SH3TC2: variants seen among roughly 807,000 people sequenced by gnomAD.
SH3TC2 encodes the protein SH3 domain and tetratricopeptide repeats 2, also known as SH3 domain and tetratricopeptide repeat-containing protein 2.
Under a neutral mutation model 124.5 loss-of-function variants are expected in SH3TC2, and 87 were observed. That is an observed-to-expected ratio of 0.70 (90% CI 0.59 to 0.84). The LOEUF is 0.84. SH3TC2 is among the 40% of genes least tolerant of loss of function. SH3TC2 has a pLI of 0.00. For synonymous variants in SH3TC2, 634 were observed against 628.5 expected (o/e 1.01, Z -0.13); for missense variants, 1,536 against 1,566.4 (o/e 0.98, Z 0.33).
chr5:148,996,399 G>A lies in SH3TC2; in HGVS notation c.*8312C>T, dbSNP rs371599011. On this transcript the variant is annotated 3_prime_UTR_variant, in exon 17 of 17. Coordinates refer to ENST00000515425, the MANE Select transcript of SH3TC2 (RefSeq NM_024577.4). The stretch of plus-strand genomic sequence containing the variant: ...AAGCTCTTAGGACTGTAAAACAACC[G>A]GAAATGAAAATCCTCCAAGTAATCT... 1.3e-5 allele frequency among the ~76,000 whole-genome samples: 2 copies of A among 152,014 alleles called. No homozygotes were observed. Among genetic ancestry groups the A allele is most frequent in the African/African-American group, 2.4e-5 (1 of 41,402 alleles).
At chr5:149,012,465 C>T in intron 13 of SH3TC2, 119 bp downstream of exon 13, 1 of 1,357,184 alleles carries the variant, frequency 7.4e-7, no homozygotes, top group Admixed American at 1.7e-5. Context: ...GACCCTTTCT[C>T]CACAGGCTTA....
rs1753285261 is a variant in SH3TC2, at chr5:148,983,538, T to C, written c.*21173A>G. On this transcript the variant is annotated 3_prime_UTR_variant, in exon 17 of 17. Coordinates refer to ENST00000515425, the MANE Select transcript of SH3TC2 (RefSeq NM_024577.4). ...AATGCAGCTCCCTTTTTTACAGTTC[T>C]GCATATGTGGGAGCTGAATTGCATA... Among the ~76,000 whole-genome samples, 1 of 152,202 alleles carries C rather than the reference T, an allele frequency of 6.6e-6. No homozygotes were observed. Among genetic ancestry groups the C allele is most frequent in the African/African-American group, 2.4e-5 (1 of 41,460 alleles).
chr5:149,006,065 G>C (rs1242607408), intron 16 of SH3TC2: 1 of 152,440 alleles, frequency 6.6e-6, no homozygotes, highest in Non-Finnish European at 1.5e-5. Context: ...AGCAGTTCGA[G>C]ACAGGCAACA....
At chr5:149,034,869 G>T (rs1458972814) in intron 8 of SH3TC2, among the ~76,000 whole-genome samples, 2 of 152,156 alleles carry the variant, frequency 1.3e-5, no homozygotes, top group African/African-American at 4.8e-5. Flanking sequence ...CAATTTTATA[G>T]TTAAAGTTAT....
At chr5:149,017,974 T>A (rs1465581947) in intron 12 of SH3TC2, among the ~76,000 whole-genome samples, 2 of 152,166 alleles carry the variant, frequency 1.3e-5, no homozygotes, top group Non-Finnish European at 2.9e-5. Flanking sequence ...AACTGCAGAG[T>A]GGAGTACTTG....
At position 149,028,696 on chromosome 5, in the gene SH3TC2, A is replaced by G; in HGVS notation, c.1158T>C (p.Asn386=). 6.2e-7 allele frequency: 1 copy of G among 1,614,194 alleles called. No homozygotes were observed. The highest frequency in any genetic ancestry group is 8.5e-7 in the Non-Finnish European group (1 of 1,180,038). The part of the protein sequence containing the change: ...YRLSGFESIQ[N]PPNDLSASQP... Reference sequence around the variant, plus strand: ...ACTCACCACTCAGATCATTTGGAGGATTCTGGATGGATTCAAACCCACCTA... The same window carrying G: ...ACTCACCACTCAGATCATTTGGAGGGTTCTGGATGGATTCAAACCCACCTA... The change falls in exon 10 of 17, where the codon AAT becomes AAC. Residue 386 remains asparagine, a synonymous_variant. Transcript: ENST00000515425.
intron 15 of SH3TC2, chr5:149,007,524 A>G (rs900925814): frequency 1.0e-5 from 3 of 287,238 alleles, no homozygotes; most frequent in Admixed American, 4.9e-5. Context: ...ACTCTGTATA[A>G]TAAATGTCTT....
intron 1 of SH3TC2, among the ~76,000 whole-genome samples, chr5:149,054,111 T>C (rs772470567): frequency 2.0e-4 from 31 of 152,190 alleles, no homozygotes; most frequent in Non-Finnish European, 3.5e-4. Context: ...CTGATGTGAT[T>C]ATTACCCATT....
intron 5 of SH3TC2, 149 bp downstream of exon 5, chr5:149,042,545 T>A (rs1754389146): frequency 1.1e-6 from 1 of 903,950 alleles, no homozygotes; most frequent in Non-Finnish European, 1.8e-6. Context: ...CTCAGAGGAA[T>A]GTTCAAAGTA....
At chr5:149,043,145 G>A (rs980872543) in intron 4 of SH3TC2, among the ~76,000 whole-genome samples, 13 of 152,256 alleles carry the variant, frequency 8.5e-5, no homozygotes, top group Admixed American at 5.9e-4. Flanking sequence ...ATACAGCCAC[G>A]GAGGTCTCCA....
In SH3TC2 at chr5:149,010,288, A is replaced by G; in HGVS notation, c.3309T>C (p.His1103=). Residue 1103 remains histidine (H), a synonymous_variant, in exon 14 of 17, where the codon CAT becomes CAC. Transcript: ENST00000515425. ...VFFNGTRHRH[H]AVEYYRAGAV... ...GACTTACTCGGTAGTACTCCACTGC[A>G]TGATGCCTGTGGCGGGTCCCATTGA... The G allele has an allele frequency of 6.2e-7, 1 of 1,614,254 alleles. No individual in the cohort carries two copies. Among genetic ancestry groups the G allele is most frequent in the Non-Finnish European group, 8.5e-7 (1 of 1,180,044 alleles).
chr5:149,031,708 C>G, intron 8 of SH3TC2, 21 bp from the exon 9 acceptor site: 3 of 1,613,668 alleles, frequency 1.9e-6, no homozygotes. Flanking sequence ...GCAAAAAACA[C>G]AGAGACAGAT....
chr5:149,038,539 G>A, intron 7 of SH3TC2, 49 bp from the exon 8 acceptor site: 1 of 1,567,918 alleles, frequency 6.4e-7, no homozygotes, highest in South Asian at 1.1e-5. Flanking sequence ...GAACAGCTGA[G>A]CCTCCCATCA....
chr5:148,994,537 G>C lies in SH3TC2; in HGVS notation c.*10174C>G, dbSNP rs1753472092. 1.3e-5 allele frequency among the ~76,000 whole-genome samples: 2 copies of C among 152,116 alleles called. No homozygotes were observed. Among genetic ancestry groups the C allele is most frequent in the South Asian group, 4.1e-4 (2 of 4,824 alleles). ...TGGATTGTGAGTTTAGCACATGAGA[G>C]GTGTTGAATATTGGTTAGTTGGTTG... On this transcript the variant is annotated 3_prime_UTR_variant, in exon 17 of 17. Coordinates refer to ENST00000515425, the MANE Select transcript of SH3TC2 (RefSeq NM_024577.4).
chr5:149,062,495 C>A (rs2127405949), intron 1 of SH3TC2: 1 of 460,282 alleles, frequency 2.2e-6, no homozygotes, highest in Non-Finnish European at 4.4e-6. Flanking sequence ...CATGCACTCA[C>A]ACACAAATCA....
chr5:149,030,248 CT>C (rs987450314), intron 9 of SH3TC2, among the ~76,000 whole-genome samples: 11 of 152,336 alleles, frequency 7.2e-5, no homozygotes, highest in Middle Eastern at 3.4e-3. Flanking sequence ...CCATCCTTCC[CT>C]ATGGTATACG....
rs1415091393 is a variant in SH3TC2, at chr5:149,042,802, C to T, written c.421G>A (p.Asp141Asn). Residue 141 changes from aspartate to asparagine, a missense_variant, in exon 5 of 17, where the codon GAC becomes AAC. By Grantham distance (23) the Asp-to-Asn change is conservative. Coordinates refer to ENST00000515425, the MANE Select transcript of SH3TC2 (RefSeq NM_024577.4). Reference sequence around the variant, plus strand: ...ATGCAGTTGAGCCAGTACTTGTGGTCAAAGAGGAGATGTTCTAGACACATG... The same window carrying T: ...ATGCAGTTGAGCCAGTACTTGTGGTTAAAGAGGAGATGTTCTAGACACATG... ...VSMCLEHLLF[D>N]HKYWLNCILV... is the part of the protein sequence containing the mutation. The T allele has an allele frequency of 1.2e-6, 2 of 1,614,064 alleles. No homozygotes were observed. The highest frequency in any genetic ancestry group is 1.7e-6 in the Non-Finnish European group (2 of 1,180,022).
chr5:149,017,592 C>T (rs1447607943), intron 12 of SH3TC2, among the ~76,000 whole-genome samples: 1 of 152,122 alleles, frequency 6.6e-6, no homozygotes, highest in Non-Finnish European at 1.5e-5. Flanking sequence ...AAATTAAAAT[C>T]AGTAAAAAGG....
At position 149,027,278 on chromosome 5, in the gene SH3TC2, C is replaced by G. The variant is rs1023962379; in HGVS notation, c.2454G>C (p.Val818=). 6.2e-7 allele frequency: 1 copy of G among 1,614,014 alleles called. No individual in the cohort carries two copies. The highest frequency in any genetic ancestry group is 1.3e-5 in the African/African-American group (1 of 74,946). ...TCAGGGAGCATAGCAGTGGCTCAAG[C>G]ACATCCAAAGCCTTCTTGGCCTGGC... The part of the protein sequence containing the change: ...LASQAKKALD[V]LEPLLCSLKE... Residue 818 remains valine, a synonymous_variant, in exon 11 of 17, where the codon GTG becomes GTC. Transcript: ENST00000515425.
Sources: gnomAD v4.1 joint callset for allele counts (sites outside exome capture counted in the v4.1 genomes callset) on GRCh38, gnomAD v4.1.1 for gene constraint, MANE v1.5 for transcripts, NCBI Gene and HGNC (gene_info 2026-07-23, HGNC 2026-07-21) for gene names.